The following PRKAR1B variants were observed in gnomAD, a reference collection of about 807,000 sequenced individuals.
PRKAR1B encodes protein kinase cAMP-dependent type I regulatory subunit beta.
In PRKAR1B, 22 loss-of-function variants were observed where a neutral mutation model predicts 46.5. The observed-to-expected ratio is 0.47, with a 90% CI of 0.34 to 0.68. The LOEUF (loss-of-function observed/expected upper bound fraction) is 0.68. Ranked by LOEUF, PRKAR1B falls within the 30% of genes least tolerant of loss-of-function variation. The pLI, the probability that PRKAR1B is intolerant of heterozygous loss-of-function variation, is 0.01. For synonymous variants in PRKAR1B, 259 were observed against 217.7 expected, an observed-to-expected ratio of 1.19 and a Z score of -1.67; for missense variants, 445 against 535.6, an observed-to-expected ratio of 0.83 and a Z score of 1.67.
chr7:719,969 C>T (rs1781014888), intron 1 of PRKAR1B, among the ~76,000 whole-genome samples: 1 of 151,944 alleles, frequency 6.6e-6, no homozygotes. Context: ...GTCTAATCTC[C>T]ATGTGTGAAG....
At chr7:728,619 A>C (rs139504206), upstream of PRKAR1B, among the ~76,000 whole-genome samples, 3 of 152,322 alleles carry the variant, frequency 2.0e-5, no homozygotes, top group Admixed American at 6.5e-5. Flanking sequence ...TTTCTTCTTC[A>C]TCCTCAACCA....
At position 642,719 on chromosome 7, in the gene PRKAR1B, C is replaced by T. The variant is rs572298225; in HGVS notation, c.440+34510G>A. ...CTGCACTCCAGCCTGGGCGACAGAG[C>T]GAGACTCCGTCTCAAAAAAAAAAAA... On this transcript the variant is annotated intron_variant, in intron 4 of 10. Coordinates refer to ENST00000537384, the MANE Select transcript of PRKAR1B (RefSeq NM_001164760.2). Among the ~76,000 whole-genome samples, 943 of 145,898 alleles carry T rather than the reference C, an allele frequency of 6.5e-3. 19 individuals are homozygous for T. Among genetic ancestry groups the T allele is most frequent in the African/African-American group, 0.022 (856 of 38,834 alleles).
chr7:596,903 G>A (rs1298948398), intron 6 of PRKAR1B, among the ~76,000 whole-genome samples: 1 of 152,260 alleles, frequency 6.6e-6, no homozygotes, highest in Non-Finnish European at 1.5e-5. Context: ...TGAGCTCCTC[G>A]GGCTGGAGTC....
chr7:580,254 G>C (rs894343149), intron 8 of PRKAR1B, among the ~76,000 whole-genome samples: 3 of 148,706 alleles, frequency 2.0e-5, no homozygotes, highest in Non-Finnish European at 3.0e-5. Context: ...AAAGAAAAAA[G>C]AAAAAAACAG....
intron 2 of PRKAR1B, among the ~76,000 whole-genome samples, chr7:685,270 G>GTTT (rs1554303083): frequency 3.3e-3 from 82 of 24,856 alleles, no homozygotes; most frequent in African/African-American, 0.011. Flanking sequence ...ACATATATAC[G>GTTT]TATATATACG....
chr7:645,216 C>T (rs993205206), intron 4 of PRKAR1B, among the ~76,000 whole-genome samples: 25 of 152,204 alleles, frequency 1.6e-4, no homozygotes, highest in Non-Finnish European at 3.1e-4. Flanking sequence ...GTCCGGTCCT[C>T]TCCCTCCTAC....
chr7:630,984 G>C (rs1266083859), intron 4 of PRKAR1B, among the ~76,000 whole-genome samples: 5 of 145,826 alleles, frequency 3.4e-5, no homozygotes, highest in African/African-American at 1.3e-4. Context: ...ACAGAGTCTT[G>C]CTCTGTCACC....
intron 9 of PRKAR1B, among the ~76,000 whole-genome samples, chr7:551,824 A>T (rs377701202): frequency 1.5e-5 from 1 of 64,546 alleles, no homozygotes; most frequent in African/African-American, 5.9e-5. Flanking sequence ...CCCACCTCCC[A>T]CCCAGGTCCT....
chr7:705,650 C>G (rs1321088561), intron 2 of PRKAR1B, among the ~76,000 whole-genome samples: 1 of 152,196 alleles, frequency 6.6e-6, no homozygotes, highest in East Asian at 1.9e-4. Flanking sequence ...TGTTCCTAGA[C>G]AGGGTACAGG....
At chr7:675,897 G>T (rs1786553683) in intron 4 of PRKAR1B, among the ~76,000 whole-genome samples, 1 of 152,132 alleles carries the variant, frequency 6.6e-6, no homozygotes, top group Non-Finnish European at 1.5e-5. Context: ...AGTGAGCCAA[G>T]ATCATACGAC....
chr7:589,784 G>A (rs1324251146), intron 7 of PRKAR1B, among the ~76,000 whole-genome samples: 1 of 152,224 alleles, frequency 6.6e-6, no homozygotes, highest in East Asian at 1.9e-4. Context: ...AGCACCTACC[G>A]TGTGCACGGC....
chr7:602,800 C>T lies in PRKAR1B; in HGVS notation c.549+3393G>A, dbSNP rs554395112. ...CCCAGGAGGGTTATCTCAGTCTTCC[C>T]GGCAGCAGTGAGCTCTGTTCGTTTT... On this transcript the variant is annotated intron_variant, in intron 6 of 10. Coordinates refer to ENST00000537384, the MANE Select transcript of PRKAR1B (RefSeq NM_001164760.2). This position sits in a 1 kb window ranked among gnomAD's most constrained non-coding sequence, Gnocchi z 6.4. The T allele has an allele frequency of 7.2e-4, 119 of 164,578 alleles. 1 individual carries two copies. The South Asian group carries it at 0.021, about 30-fold the overall frequency. The allele number at this position is 164,578 out of a possible 1,614,324, so 10.2% of individuals were successfully genotyped here.
chr7:586,231 T>G (rs1004033375), intron 7 of PRKAR1B, among the ~76,000 whole-genome samples: 2 of 152,178 alleles, frequency 1.3e-5, no homozygotes, highest in Non-Finnish European at 1.5e-5. Context: ...GTATTTCTGT[T>G]ACACCTGGCA....
chr7:655,636 G>C (rs983078679), intron 4 of PRKAR1B, among the ~76,000 whole-genome samples: 3 of 152,184 alleles, frequency 2.0e-5, no homozygotes, highest in Non-Finnish European at 2.9e-5. Flanking sequence ...GTAAAGCCAG[G>C]TATGGTAGGG....
chr7:637,557 G>A (rs960123005), intron 4 of PRKAR1B, among the ~76,000 whole-genome samples: 1 of 152,140 alleles, frequency 6.6e-6, no homozygotes, highest in Admixed American at 6.5e-5. Flanking sequence ...TAATGGGCCG[G>A]GTGCGGTGGC....
rs1785996930 is a variant in PRKAR1B, at chr7:667,470, G to A, written c.440+9759C>T. Among the ~76,000 whole-genome samples, 2 of 152,132 alleles carry A rather than the reference G, an allele frequency of 1.3e-5. No individual in the cohort carries two copies. The highest frequency in any genetic ancestry group is 2.1e-4 in the South Asian group (1 of 4,832). ...TGTGTGCATGACTGTGTGCATAGGC[G>A]TGCCTGGGAATAAGACCACTCCAGC... On this transcript the variant is annotated intron_variant, in intron 4 of 10. Coordinates refer to ENST00000537384, the MANE Select transcript of PRKAR1B (RefSeq NM_001164760.2). The surrounding 1 kb of genome is among the most constrained non-coding windows in gnomAD (Gnocchi z 4.3).
chr7:627,340 G>A (rs1200299452), intron 4 of PRKAR1B, among the ~76,000 whole-genome samples: 3 of 152,142 alleles, frequency 2.0e-5, no homozygotes, highest in African/African-American at 4.8e-5. Flanking sequence ...GGTGGGGGCC[G>A]AGGGATCCAG....
chr7:606,321 A>G lies in PRKAR1B; in HGVS notation c.503-82T>C. 3 of 1,360,940 alleles carry G rather than the reference A, an allele frequency of 2.2e-6. No individual in the cohort carries two copies. The Admixed American group carries it at 5.1e-5, about 23-fold the overall frequency. The allele number at this position is 1,360,940 out of a possible 1,614,324, so 84.3% of individuals were successfully genotyped here. A position where few individuals can be genotyped will look rare whatever the true frequency, so the allele number is the denominator to read the frequency against. ...AGTTTCTCTTGCAAACGACTTTCGC[A>G]ACACTGTTGCAGAGACCCTCGAAGC... On this transcript the variant is annotated intron_variant, in intron 5 of 10. Transcript: ENST00000537384.
intron 7 of PRKAR1B, among the ~76,000 whole-genome samples, chr7:595,418 G>A (rs1205372376): frequency 1.3e-5 from 2 of 152,262 alleles, no homozygotes; most frequent in East Asian, 3.9e-4. Flanking sequence ...GTTCACGGCC[G>A]CCTCCACCAG....
Sources: gnomAD v4.1 joint callset for allele counts (sites outside exome capture counted in the v4.1 genomes callset) on GRCh38, gnomAD v4.1.1 for gene constraint, Gnocchi (gnomAD v3.1) non-coding constraint, MANE v1.5 for transcripts, NCBI Gene and HGNC (gene_info 2026-07-23, HGNC 2026-07-21) for gene names.